The following COL5A1 variants were observed in gnomAD, a reference collection of about 807,000 sequenced individuals.
COL5A1 encodes the protein collagen alpha-1(V) chain.
In COL5A1, 16 loss-of-function variants were observed where a neutral mutation model predicts 263.7. That is an observed-to-expected ratio of 0.06 (90% CI 0.04 to 0.09). COL5A1 has a LOEUF of 0.09. COL5A1 is among the 10% of genes least tolerant of loss of function. COL5A1 has a pLI of 1.00. For synonymous variants in COL5A1, 1,012 were observed against 1,004.5 expected (o/e 1.01, Z -0.14); for missense variants, 2,036 against 2,540.5 (o/e 0.80, Z 4.27).
chr9:134,690,763 G>T, intron 1 of COL5A1, 149 bp from the exon 2 acceptor site: 2 of 937,348 alleles, frequency 2.1e-6, no homozygotes, highest in Non-Finnish European at 3.4e-6. Flanking sequence ...CGCCCAGCAC[G>T]CGGCTCTAAG....
intron 63 of COL5A1, among the ~76,000 whole-genome samples, chr9:134,828,234 G>A (rs60009467): frequency 0.27 from 41,313 of 152,152 alleles, 5,757 homozygotes; most frequent in Admixed American, 0.32. Flanking sequence ...CATCCGTGGC[G>A]TCACTGAGGC....
intron 9 of COL5A1, among the ~76,000 whole-genome samples, chr9:134,735,653 C>T (rs1049571751): frequency 9.9e-5 from 15 of 152,210 alleles, no homozygotes; most frequent in Admixed American, 2.6e-4. Flanking sequence ...AAGCAATTTG[C>T]GTGTCTGGGA....
At chr9:134,788,092 G>C (rs1837528407) in intron 31 of COL5A1, among the ~76,000 whole-genome samples, 1 of 152,276 alleles carries the variant, frequency 6.6e-6, no homozygotes, top group East Asian at 1.9e-4. Context: ...TGGGAAGAGA[G>C]GTGGATGAAT....
Position 134,843,836 on chromosome 9 carries a change from C to T in COL5A1, c.*1533C>T, listed in dbSNP as rs58957323. On this transcript the variant is annotated 3_prime_UTR_variant, in exon 66 of 66. Transcript: ENST00000371817. ...CAGGGCTGCCTGCAGCACGTCTTTTCCAAGTAGCCTATTTGGATTCCCATC... is the reference window on the plus strand; with the variant it reads ...CAGGGCTGCCTGCAGCACGTCTTTTTCAAGTAGCCTATTTGGATTCCCATC... The T allele has an allele frequency of 6.5e-6, 1 of 152,696 alleles. No homozygotes were observed. The highest frequency in any genetic ancestry group is 2.4e-5 in the African/African-American group (1 of 41,468). The allele number at this position is 152,696 out of a possible 1,614,324, so 9.5% of individuals were successfully genotyped here.
chr9:134,765,578 C>A lies in COL5A1; in HGVS notation c.2035-103C>A. On this transcript the variant is annotated intron_variant, in intron 20 of 65. Transcript: ENST00000371817. The surrounding 1 kb of genome is among the most constrained non-coding windows in gnomAD (Gnocchi z 5.1). ...GAGGCCAGGAGGCCTGAGTCACCAG[C>A]TGGGGTTCTGGGTGGAGTCAGGGCC... The A allele has an allele frequency of 9.7e-7, 1 of 1,030,954 alleles. No individual in the cohort carries two copies. The highest frequency in any genetic ancestry group is 1.3e-5 in the South Asian group (1 of 75,478). The allele number at this position is 1,030,954 out of a possible 1,614,324, so 63.9% of individuals were successfully genotyped here. A position where few individuals can be genotyped will look rare whatever the true frequency, so the allele number is the denominator to read the frequency against.
chr9:134,679,895 G>A (rs546049077), intron 1 of COL5A1, among the ~76,000 whole-genome samples: 2 of 152,020 alleles, frequency 1.3e-5, no homozygotes, highest in Non-Finnish European at 2.9e-5. Flanking sequence ...CTCTGGGATG[G>A]GACCCACTTT....
intron 14 of COL5A1, 140 bp from the exon 15 acceptor site, chr9:134,753,710 G>A: frequency 1.4e-6 from 1 of 689,872 alleles, no homozygotes; most frequent in Non-Finnish European, 2.7e-6. Flanking sequence ...GTTCGAGGCA[G>A]ACAGGTCGCG....
chr9:134,768,554 T>C (rs1000163523), intron 25 of COL5A1, 91 bp downstream of exon 25: 15 of 1,300,376 alleles, frequency 1.2e-5, no homozygotes, highest in African/African-American at 2.9e-5. Context: ...GGGGTTGTTG[T>C]TGGACGGCAT....
intron 37 of COL5A1, 151 bp downstream of exon 37, chr9:134,798,612 C>CT: frequency 4.8e-6 from 1 of 207,604 alleles, no homozygotes. Context: ...GCCGGGCCGG[C>CT]TTCCGCTGAC....
chr9:134,770,507 G>T (rs1028531049), intron 25 of COL5A1, among the ~76,000 whole-genome samples: 1 of 152,180 alleles, frequency 6.6e-6, no homozygotes, highest in Non-Finnish European at 1.5e-5. Context: ...TCCGTGACAT[G>T]AGAAAAATGC....
intron 2 of COL5A1, among the ~76,000 whole-genome samples, chr9:134,692,262 G>A (rs993177464): frequency 1.3e-5 from 2 of 152,170 alleles, no homozygotes; most frequent in African/African-American, 4.8e-5. Context: ...CCCACCTCTG[G>A]GTACCAGAGT....
intron 1 of COL5A1, among the ~76,000 whole-genome samples, chr9:134,643,977 G>A (rs956924451): frequency 8.5e-5 from 13 of 152,122 alleles, no homozygotes; most frequent in Non-Finnish European, 1.6e-4. Flanking sequence ...CTCGCTAATC[G>A]AAGTGCGGCT....
At chr9:134,697,208 G>C (rs1314627179) in intron 2 of COL5A1, among the ~76,000 whole-genome samples, 2 of 152,134 alleles carry the variant, frequency 1.3e-5, no homozygotes, top group African/African-American at 2.4e-5. Context: ...AGATTATAAA[G>C]TATCAGCGTC....
intron 30 of COL5A1, 42 bp from the exon 31 acceptor site, chr9:134,785,953 C>T: frequency 6.4e-7 from 1 of 1,563,610 alleles, no homozygotes; most frequent in South Asian, 1.1e-5. Context: ...ACGGATGGAG[C>T]AATACCGTGC....
chr9:134,701,365 CA>C, intron 4 of COL5A1, 32 bp downstream of exon 4: 1 of 1,605,716 alleles, frequency 6.2e-7, no homozygotes, highest in Non-Finnish European at 8.5e-7. Flanking sequence ...CCCCTGTGCC[CA>C]CCAGGGCACT....
At chr9:134,814,107 A>T in intron 49 of COL5A1, 71 bp downstream of exon 49, 1 of 1,463,934 alleles carries the variant, frequency 6.8e-7, no homozygotes. Context: ...GCTGGGTTGG[A>T]GGCTCTGGCT....
In COL5A1 at chr9:134,750,559, A is replaced by G; in HGVS notation, c.1512A>G (p.Pro504=). 6.2e-7 allele frequency: 1 copy of G among 1,613,572 alleles called. No individual in the cohort carries two copies. Among genetic ancestry groups the G allele is most frequent in the East Asian group, 2.2e-5 (1 of 44,864 alleles). The part of the protein sequence containing the change: ...DPGERGPPGR[P]GLPGADGLPG... ...GTCTTCAGGGCCCCCCTGGACGCCC[A>G]GGCCTTCCTGGGGCCGATGGCCTGC... is the stretch of plus-strand genomic sequence containing the variant. The change falls in exon 12 of 66, where the codon CCA becomes CCG. Residue 504 remains proline (P), a synonymous_variant. Transcript: ENST00000371817.
intron 1 of COL5A1, among the ~76,000 whole-genome samples, chr9:134,661,190 G>T (rs1481635102): frequency 1.3e-5 from 2 of 151,658 alleles, no homozygotes; most frequent in Non-Finnish European, 2.9e-5. Context: ...AAGTGTCGGG[G>T]ACACTATTCT....
chr9:134,674,373 A>T (rs1211087575), intron 1 of COL5A1, among the ~76,000 whole-genome samples: 1 of 152,240 alleles, frequency 6.6e-6, no homozygotes, highest in African/African-American at 2.4e-5. Flanking sequence ...CGAGAGAAGC[A>T]GACACGAAAG....
Sources: allele counts gnomAD v4.1 joint callset (sites outside exome capture counted in the v4.1 genomes callset), GRCh38; gene constraint gnomAD v4.1.1; non-coding constraint Gnocchi (gnomAD v3.1); transcripts MANE v1.5; gene names NCBI Gene and HGNC (gene_info 2026-07-23, HGNC 2026-07-21).